GFPT1: variants seen among roughly 807,000 people sequenced by gnomAD.
The protein encoded by GFPT1 is glutamine--fructose-6-phosphate transaminase 1.
In GFPT1, 40 loss-of-function variants were observed where a neutral mutation model predicts 92.0. The ratio of observed to expected loss-of-function variants is 0.43; its 90% CI spans 0.34 to 0.57. GFPT1 has a LOEUF of 0.57. GFPT1 is among the 20% of genes least tolerant of loss of function. GFPT1 has a pLI of 0.02. For synonymous variants in GFPT1, 269 were observed against 280.6 expected (o/e 0.96, Z 0.41); for missense variants, 448 against 869.1 (o/e 0.52, Z 6.09).
intron 1 of GFPT1, among the ~76,000 whole-genome samples, chr2:69,378,062 C>G (rs1671921354): frequency 6.6e-6 from 1 of 152,162 alleles, no homozygotes; most frequent in Non-Finnish European, 1.5e-5. Flanking sequence ...GTCGCCAAGG[C>G]TGGCGCCATC....
chr2:69,378,197 G>C (rs999785910), intron 1 of GFPT1, among the ~76,000 whole-genome samples: 2 of 152,094 alleles, frequency 1.3e-5, no homozygotes, highest in African/African-American at 4.8e-5. Flanking sequence ...GTAGAGATGG[G>C]GTTTCGCCAT....
rs768161596 is a variant in GFPT1 at position 69,358,466 on chromosome 2, G to A, written c.409-3C>T. 3.8e-6 allele frequency: 6 copies of A among 1,591,366 alleles called. No homozygotes were observed. The South Asian group carries it at 4.4e-5, about 12-fold the overall frequency. On this transcript the variant is annotated splice_polypyrimidine_tract_variant and splice_region_variant and intron_variant, in intron 5 of 19. Transcript: ENST00000357308. The stretch of plus-strand genomic sequence containing the variant: ...TCGAAGTCATAGCCTTTGCTTTCCT[G>A]TAAGTAGAAAGAAAAAAAAGATACA...
Position 69,320,787 on chromosome 2 carries a change from CAA to C in GFPT1, c.*5400_*5401del, listed in dbSNP as rs879750913. ...TGGGCAACAGAGCAAAACTCCATCT[CAA>C]AAAAAAAAAAAAGAAGCCTCTGGAA... On this transcript the variant is annotated 3_prime_UTR_variant, in exon 20 of 20. Transcript: ENST00000357308. The C allele has an allele frequency of 1.8e-4, 22 of 123,150 alleles. No individual in the cohort carries two copies. The highest frequency in any genetic ancestry group is 3.4e-4 in the Admixed American group (4 of 11,652). 7.6% of individuals were successfully genotyped at this position (123,150 alleles called of 1,614,324 possible).
chr2:69,325,681 T>C lies in GFPT1; in HGVS notation c.*508A>G, dbSNP rs1429309330. On this transcript the variant is annotated 3_prime_UTR_variant, in exon 20 of 20. Coordinates refer to ENST00000357308, the MANE Select transcript of GFPT1 (RefSeq NM_001244710.2). ...ATTTTTCAGTTTTAAGTTTTACAGT[T>C]TGATTTAAAAACAAAACAGAAACAA... 2 of 152,550 alleles carry C rather than the reference T, an allele frequency of 1.3e-5. No homozygotes were observed. The highest frequency in any genetic ancestry group is 4.8e-5 in the African/African-American group (2 of 41,462). 9.4% of individuals were successfully genotyped at this position (152,550 alleles called of 1,614,324 possible).
chr2:69,331,191 G>A (rs548838747), intron 15 of GFPT1, among the ~76,000 whole-genome samples: 32 of 152,172 alleles, frequency 2.1e-4, no homozygotes, highest in African/African-American at 5.5e-4. Context: ...TTTTGACTGC[G>A]GGACAATGAA....
chr2:69,333,412 A>G (rs1039305239), intron 15 of GFPT1, among the ~76,000 whole-genome samples: 4 of 152,186 alleles, frequency 2.6e-5, no homozygotes, highest in Non-Finnish European at 5.9e-5. Context: ...CATTGCTATT[A>G]CAGTTTAATT....
chr2:69,380,599 T>C (rs911417354), intron 1 of GFPT1, among the ~76,000 whole-genome samples: 2 of 152,094 alleles, frequency 1.3e-5, no homozygotes, highest in African/African-American at 2.4e-5. Flanking sequence ...TCATCTTTCT[T>C]GAGAAAAAAA....
chr2:69,356,723 G>A (rs1212905178), intron 6 of GFPT1, among the ~76,000 whole-genome samples, 166 bp from the exon 7 acceptor site: 1 of 146,822 alleles, frequency 6.8e-6, no homozygotes, highest in African/African-American at 2.6e-5. Flanking sequence ...CCTAAGCTTT[G>A]GTGTATCCAA....
rs1670481867 is a variant in GFPT1 at position 69,324,289 on chromosome 2, A to G, written c.*1900T>C. The G allele has an allele frequency of 6.6e-6, 1 of 152,220 alleles. No individual in the cohort carries two copies. Among genetic ancestry groups the G allele is most frequent in the African/African-American group, 2.4e-5 (1 of 41,454 alleles). The allele number at this position is 152,220 out of a possible 1,614,324, so 9.4% of individuals were successfully genotyped here. The stretch of plus-strand genomic sequence containing the variant: ...TGCAGACTAATGACTGACTTCACAT[A>G]TTAGTTTTAACTTAGAATGCTGAAT... On this transcript the variant is annotated 3_prime_UTR_variant, in exon 20 of 20. Coordinates refer to ENST00000357308, the MANE Select transcript of GFPT1 (RefSeq NM_001244710.2).
intron 3 of GFPT1, among the ~76,000 whole-genome samples, chr2:69,367,573 C>A (rs377039211): frequency 3.3e-5 from 5 of 152,264 alleles, no homozygotes; most frequent in African/African-American, 1.2e-4. Context: ...GTTGCCCAGG[C>A]TGGTCTCAAA....
intron 1 of GFPT1, among the ~76,000 whole-genome samples, chr2:69,385,505 G>A (rs764731142): frequency 2.0e-5 from 3 of 151,760 alleles, no homozygotes; most frequent in Non-Finnish European, 4.4e-5. Flanking sequence ...GATTATAGGC[G>A]GGAGCCACCA....
At chr2:69,381,128 G>A (rs1035181299) in intron 1 of GFPT1, among the ~76,000 whole-genome samples, 1 of 151,912 alleles carries the variant, frequency 6.6e-6, no homozygotes, top group Non-Finnish European at 1.5e-5. Flanking sequence ...GATTACAGGC[G>A]TGTGTTACCA....
intron 1 of GFPT1, among the ~76,000 whole-genome samples, chr2:69,381,209 C>T (rs1671999859): frequency 6.6e-6 from 1 of 152,234 alleles, no homozygotes; most frequent in Non-Finnish European, 1.5e-5. Flanking sequence ...TCTCGAACTC[C>T]TGACCTCAGG....
intron 11 of GFPT1, among the ~76,000 whole-genome samples, chr2:69,346,251 T>C (rs1671078897): frequency 6.6e-6 from 1 of 152,198 alleles, no homozygotes; most frequent in South Asian, 2.1e-4. Flanking sequence ...AAGCTTTTTT[T>C]TTTTTGAGAC....
At chr2:69,352,314 A>T (rs1671225929) in intron 9 of GFPT1, among the ~76,000 whole-genome samples, 2 of 151,642 alleles carry the variant, frequency 1.3e-5, no homozygotes, top group Non-Finnish European at 1.5e-5. Flanking sequence ...AGAGCTCAGC[A>T]TTTTAAAAAA....
intron 19 of GFPT1, 89 bp from the exon 20 acceptor site, chr2:69,326,322 TA>T: frequency 1.3e-6 from 1 of 796,768 alleles, no homozygotes; most frequent in Non-Finnish European, 2.1e-6. Flanking sequence ...TATTTTTGTT[TA>T]TAAAAACAGA....
chr2:69,348,380 T>A (rs141553502), intron 10 of GFPT1, 46 bp from the exon 11 acceptor site: 33 of 1,398,552 alleles, frequency 2.4e-5, no homozygotes, highest in Non-Finnish European at 3.4e-5. Context: ...CCAAGGATCA[T>A]TATTACAAAT....
chr2:69,371,546 A>T (rs911735271), intron 2 of GFPT1: 1 of 152,132 alleles, frequency 6.6e-6, no homozygotes, highest in East Asian at 1.9e-4. Flanking sequence ...AATTAAAAAT[A>T]AAAAATACTG....
chr2:69,370,244 T>C, intron 2 of GFPT1, 136 bp from the exon 3 acceptor site: 1 of 679,270 alleles, frequency 1.5e-6, no homozygotes, highest in Admixed American at 2.2e-5. Context: ...AATTACCTAC[T>C]GAAAACCTAT....
Sources: gnomAD v4.1 joint callset for allele counts (sites outside exome capture counted in the v4.1 genomes callset) on GRCh38, gnomAD v4.1.1 for gene constraint, MANE v1.5 for transcripts, NCBI Gene and HGNC (gene_info 2026-07-23, HGNC 2026-07-21) for gene names.